Variants in SCTR observed in about 807,000 individuals in gnomAD.
SCTR encodes the protein secretin receptor, also known as pancreatic secretin receptor.
In SCTR, 56 loss-of-function variants were observed where a neutral mutation model predicts 60.8. The ratio of observed to expected loss-of-function variants is 0.92; its 90% CI spans 0.74 to 1.15. The LOEUF (loss-of-function observed/expected upper bound fraction) is 1.15, where lower values mean the gene tolerates loss of function less well. Among genes scored for constraint, SCTR ranks in the 50% most tolerant of loss-of-function variants. SCTR has a pLI of 0.00. For missense variants in SCTR, 562 were observed against 550.4 expected, an observed-to-expected ratio of 1.02 and a Z score of -0.21; for synonymous variants, 202 against 217.0, an observed-to-expected ratio of 0.93 and a Z score of 0.61.
intron 2 of SCTR, among the ~76,000 whole-genome samples, chr2:119,488,958 G>A (rs1462801266): frequency 1.3e-5 from 2 of 152,132 alleles, no homozygotes; most frequent in African/African-American, 2.4e-5. Flanking sequence ...TGCTCATTTC[G>A]TCAGATCCAG....
In SCTR at chr2:119,441,585, G is replaced by A. The variant is rs565197596; in HGVS notation, c.1155C>T (p.Ala385=). ...ALGSFQGLVV[A]VLYCFLNGEV... The stretch of plus-strand genomic sequence containing the variant: ...CCCCATTGAGGAAGCAGTAGAGGAC[G>A]GCCACCACCAGTCCCTGCCAGAAGA... Residue 385 remains alanine (A), a synonymous_variant, in exon 12 of 13, where the codon GCC becomes GCT. Transcript: ENST00000019103. 106 of 1,613,104 alleles carry A rather than the reference G, an allele frequency of 6.6e-5. 1 individual carries two copies. The South Asian group carries it at 6.6e-4, about 10-fold the overall frequency.
chr2:119,512,119 G>A (rs1279323583), intron 1 of SCTR, among the ~76,000 whole-genome samples: 11 of 152,230 alleles, frequency 7.2e-5, no homozygotes, highest in South Asian at 4.1e-4. Context: ...CTGAAGACTT[G>A]TGTTCTTCAT....
At chr2:119,520,627 A>G (rs1167297314) in intron 1 of SCTR, among the ~76,000 whole-genome samples, 2 of 152,238 alleles carry the variant, frequency 1.3e-5, no homozygotes, top group Non-Finnish European at 2.9e-5. Flanking sequence ...TCCATGTGCC[A>G]GAGCCTGTAC....
At chr2:119,497,106 G>T (rs1047265627) in intron 1 of SCTR, among the ~76,000 whole-genome samples, 2 of 152,198 alleles carry the variant, frequency 1.3e-5, no homozygotes, top group Non-Finnish European at 2.9e-5. Context: ...TCACCAGAAG[G>T]TGTCAGAGAA....
intron 7 of SCTR, among the ~76,000 whole-genome samples, chr2:119,460,156 G>C (rs750126573): frequency 6.6e-6 from 1 of 151,704 alleles, no homozygotes; most frequent in South Asian, 2.1e-4. Flanking sequence ...TCCCCTGATC[G>C]GGAGACAGGG....
intron 2 of SCTR, among the ~76,000 whole-genome samples, chr2:119,493,647 T>TA (rs1385348572): frequency 6.6e-6 from 1 of 150,612 alleles, no homozygotes; most frequent in East Asian, 1.9e-4. Context: ...TCTTCTTTTT[T>TA]TTTTTTTTTT....
At chr2:119,491,349 C>T (rs1296481293) in intron 2 of SCTR, among the ~76,000 whole-genome samples, 1 of 152,160 alleles carries the variant, frequency 6.6e-6, no homozygotes, top group Non-Finnish European at 1.5e-5. Flanking sequence ...TGTCTGTGCC[C>T]AGCAACCACC....
At chr2:119,523,460 G>T (rs1042606222) in intron 1 of SCTR, among the ~76,000 whole-genome samples, 26 of 149,886 alleles carry the variant, frequency 1.7e-4, no homozygotes, top group Non-Finnish European at 3.5e-4. Context: ...CCAGCCCCTT[G>T]CCAGGACCTG....
intron 2 of SCTR, among the ~76,000 whole-genome samples, chr2:119,493,146 T>C (rs1004185471): frequency 1.3e-5 from 2 of 152,180 alleles, no homozygotes; most frequent in African/African-American, 4.8e-5. Flanking sequence ...CGTGAGCCAC[T>C]GCACCCAGCC....
intron 1 of SCTR, among the ~76,000 whole-genome samples, chr2:119,495,158 TAC>T (rs1243762652): frequency 5.3e-5 from 8 of 151,944 alleles, no homozygotes; most frequent in African/African-American, 1.9e-4. Context: ...CAGATATATA[TAC>T]ACACACATAA....
chr2:119,473,591 G>T (rs1317434039), intron 3 of SCTR, 35 bp from the exon 4 acceptor site: 2 of 1,252,520 alleles, frequency 1.6e-6, no homozygotes, highest in South Asian at 1.2e-5. Context: ...GTGAGCCATG[G>T]GCCCAGGCAC....
At chr2:119,444,926 C>CACATATATTCGTACGAATATATAT (rs1295481343) in intron 11 of SCTR, among the ~76,000 whole-genome samples, 63 of 2,078 alleles carry the variant, frequency 0.03, 22 homozygotes, top group Non-Finnish European at 0.054. Flanking sequence ...TACGAATATA[C>CACATATATTCGTACGAATATATAT]ACATATATTC....
At chr2:119,520,913 G>T (rs1310978306) in intron 1 of SCTR, among the ~76,000 whole-genome samples, 19 of 152,148 alleles carry the variant, frequency 1.2e-4, no homozygotes, top group Admixed American at 1.2e-3. Context: ...TAAGGCAACG[G>T]TTCTCAAGCA....
chr2:119,510,305 AT>A (rs1678891496), intron 1 of SCTR, among the ~76,000 whole-genome samples: 1 of 152,170 alleles, frequency 6.6e-6, no homozygotes, highest in Non-Finnish European at 1.5e-5. Flanking sequence ...GGGAGGGGGT[AT>A]GCCAACTAAA....
chr2:119,488,911 G>T (rs553877881), intron 2 of SCTR, among the ~76,000 whole-genome samples: 1 of 152,152 alleles, frequency 6.6e-6, no homozygotes, highest in Admixed American at 6.5e-5. Flanking sequence ...CACCGACTCC[G>T]GCTGACTCTA....
Position 119,441,469 on chromosome 2 carries a change from C to A in SCTR, c.1182+89G>T. 6 of 1,047,650 alleles carry A rather than the reference C, an allele frequency of 5.7e-6. 1 individual carries two copies. In the South Asian group the frequency reaches 8.1e-5, roughly 14 times the overall value. The allele number at this position is 1,047,650 out of a possible 1,614,324, so 64.9% of individuals were successfully genotyped here. On this transcript the variant is annotated intron_variant, in intron 12 of 12. Transcript: ENST00000019103. ...CCCTCTGACCCTTTCCATCCCCCTTCCTACCACCCCTCCCAGGTAGCTCCT... is the reference window on the plus strand; with the variant it reads ...CCCTCTGACCCTTTCCATCCCCCTTACTACCACCCCTCCCAGGTAGCTCCT...
At chr2:119,476,236 G>A (rs1677296292) in intron 3 of SCTR, among the ~76,000 whole-genome samples, 2 of 152,178 alleles carry the variant, frequency 1.3e-5, no homozygotes, top group Admixed American at 1.3e-4. Flanking sequence ...GATCTATGGG[G>A]ATGAAGGAGG....
intron 7 of SCTR, 81 bp from the exon 8 acceptor site, chr2:119,453,428 A>C: frequency 9.1e-7 from 1 of 1,097,822 alleles, no homozygotes. Context: ...ACAATTGGTT[A>C]CCCCAGCCCA....
chr2:119,523,328 T>G (rs1465838155), intron 1 of SCTR, among the ~76,000 whole-genome samples: 3 of 151,316 alleles, frequency 2.0e-5, no homozygotes, highest in Admixed American at 1.3e-4. Context: ...ATCCCGGAGC[T>G]CAGAGAGGCC....
Sources: gnomAD v4.1 joint callset for allele counts (sites outside exome capture counted in the v4.1 genomes callset) on GRCh38, gnomAD v4.1.1 for gene constraint, MANE v1.5 for transcripts, NCBI Gene and HGNC (gene_info 2026-07-23, HGNC 2026-07-21) for gene names.